FBXL7: variants seen among roughly 807,000 people sequenced by gnomAD.
The protein encoded by FBXL7 is F-box/LRR-repeat protein 7.
FBXL7 carries 12 observed loss-of-function variants against 38.3 expected under a neutral mutation model. That is an observed-to-expected ratio of 0.31 (90% CI 0.20 to 0.51). The LOEUF is 0.51. Among genes scored for constraint, FBXL7 ranks in the 20% least tolerant of loss-of-function variants. FBXL7 has a pLI of 0.98. For missense variants in FBXL7, 567 were observed against 676.4 expected, an observed-to-expected ratio of 0.84 and a Z score of 1.79; for synonymous variants, 297 against 300.9, an observed-to-expected ratio of 0.99 and a Z score of 0.13.
intron 1 of FBXL7, among the ~76,000 whole-genome samples, chr5:15,611,334 T>C (rs1046554284): frequency 1.3e-4 from 20 of 151,958 alleles, no homozygotes; most frequent in African/African-American, 4.6e-4. Context: ...TTTTTGCTTT[T>C]TGTACTTTTT....
chr5:15,788,873 A>G (rs1737201022), intron 2 of FBXL7, among the ~76,000 whole-genome samples: 1 of 143,476 alleles, frequency 7.0e-6, no homozygotes, highest in African/African-American at 2.6e-5. Flanking sequence ...TTTTTTTTTG[A>G]AGGAGTCTTG....
In FBXL7 at chr5:15,938,074, C is replaced by T. The variant is rs994547933; in HGVS notation, c.*888C>T. The T allele has an allele frequency of 4.6e-5, 7 of 152,190 alleles. No homozygotes were observed. The highest frequency in any genetic ancestry group is 1.4e-4 in the African/African-American group (6 of 41,448). 9.4% of individuals were successfully genotyped at this position (152,190 alleles called of 1,614,324 possible). The stretch of plus-strand genomic sequence containing the variant: ...CTGTATGTCCTTTGGCTGCAAATCA[C>T]CCACTTCCCTGTGTTTCAGTGGGAG... On this transcript the variant is annotated 3_prime_UTR_variant, in exon 4 of 4. Coordinates refer to ENST00000504595, the MANE Select transcript of FBXL7 (RefSeq NM_012304.5).
At chr5:15,713,128 G>A (rs1457274486) in intron 2 of FBXL7, among the ~76,000 whole-genome samples, 1 of 152,174 alleles carries the variant, frequency 6.6e-6, no homozygotes, top group Admixed American at 6.5e-5. Flanking sequence ...AAGAAAAAGA[G>A]GTTTAAGGGA....
At chr5:15,759,130 G>A (rs1485451996) in intron 2 of FBXL7, among the ~76,000 whole-genome samples, 1 of 152,152 alleles carries the variant, frequency 6.6e-6, no homozygotes, top group Admixed American at 6.6e-5. Context: ...CTGCAAACAT[G>A]AGGCTATATT....
intron 2 of FBXL7, among the ~76,000 whole-genome samples, chr5:15,835,093 T>C (rs1419126662): frequency 1.3e-5 from 2 of 152,342 alleles, no homozygotes; most frequent in East Asian, 1.9e-4. Flanking sequence ...ATATACACCA[T>C]TAGCTTCTTG....
At chr5:15,507,089 A>T (rs1736668420) in intron 1 of FBXL7, among the ~76,000 whole-genome samples, 1 of 151,626 alleles carries the variant, frequency 6.6e-6, no homozygotes, top group African/African-American at 2.4e-5. Context: ...CGTGCTCTTC[A>T]AACGTAATAT....
chr5:15,887,481 A>G (rs1740724432), intron 2 of FBXL7, among the ~76,000 whole-genome samples: 1 of 152,232 alleles, frequency 6.6e-6, no homozygotes, highest in South Asian at 2.1e-4. Flanking sequence ...GGAATTGCCA[A>G]ATGGGATTTA....
intron 2 of FBXL7, among the ~76,000 whole-genome samples, chr5:15,726,047 T>A (rs1347778763): frequency 6.6e-6 from 1 of 152,196 alleles, no homozygotes; most frequent in Non-Finnish European, 1.5e-5. Context: ...TTTGATGGTC[T>A]GATATTAGAT....
chr5:15,629,054 G>A (rs2126538204), intron 2 of FBXL7, among the ~76,000 whole-genome samples: 1 of 152,046 alleles, frequency 6.6e-6, no homozygotes, highest in Non-Finnish European at 1.5e-5. Flanking sequence ...GAGGTGGGAG[G>A]GTTGCTTGAG....
intron 2 of FBXL7, among the ~76,000 whole-genome samples, chr5:15,634,431 C>G (rs1580423117): frequency 6.7e-6 from 1 of 150,238 alleles, no homozygotes; most frequent in African/African-American, 2.4e-5. Context: ...AAGCAATTCT[C>G]CTGCCTCAGC....
intron 2 of FBXL7, among the ~76,000 whole-genome samples, chr5:15,674,182 C>G (rs923717737): frequency 2.0e-5 from 3 of 152,182 alleles, no homozygotes; most frequent in African/African-American, 7.2e-5. Flanking sequence ...AGTGATAATT[C>G]ATTGCAATGC....
intron 2 of FBXL7, among the ~76,000 whole-genome samples, chr5:15,735,982 G>A (rs549320300): frequency 4.6e-5 from 7 of 152,172 alleles, no homozygotes; most frequent in African/African-American, 7.2e-5. Flanking sequence ...AGAGCAGGAC[G>A]AATAGTGTTT....
At chr5:15,782,846 G>A (rs1366818347) in intron 2 of FBXL7, among the ~76,000 whole-genome samples, 1 of 152,156 alleles carries the variant, frequency 6.6e-6, no homozygotes, top group East Asian at 1.9e-4. Flanking sequence ...AAGGGTGGGA[G>A]ATGTTTGAGG....
At chr5:15,532,331 C>G (rs1347157733) in intron 1 of FBXL7, among the ~76,000 whole-genome samples, 1 of 152,142 alleles carries the variant, frequency 6.6e-6, no homozygotes, top group African/African-American at 2.4e-5. Flanking sequence ...ATTAATACTT[C>G]CCAAATAACC....
intron 2 of FBXL7, among the ~76,000 whole-genome samples, chr5:15,625,809 C>T (rs746200962): frequency 6.6e-6 from 1 of 152,034 alleles, no homozygotes; most frequent in Non-Finnish European, 1.5e-5. Flanking sequence ...TACCTTGAAG[C>T]TGTCTATTAC....
chr5:15,691,395 A>T (rs1022737153), intron 2 of FBXL7, among the ~76,000 whole-genome samples: 1 of 152,226 alleles, frequency 6.6e-6, no homozygotes. Context: ...AGCTCGAATG[A>T]TGCCCATTCC....
At chr5:15,730,691 G>A (rs1001830725) in intron 2 of FBXL7, among the ~76,000 whole-genome samples, 2 of 152,136 alleles carry the variant, frequency 1.3e-5, no homozygotes, top group Non-Finnish European at 2.9e-5. Context: ...ATGAATGTAT[G>A]TTTTGTTCTA....
chr5:15,924,206 G>A (rs1741819116), intron 2 of FBXL7, among the ~76,000 whole-genome samples: 1 of 152,076 alleles, frequency 6.6e-6, no homozygotes, highest in Non-Finnish European at 1.5e-5. Context: ...ATTACCAAAG[G>A]GAAGTACGAT....
intron 1 of FBXL7, among the ~76,000 whole-genome samples, chr5:15,576,258 A>G (rs1401306389): frequency 6.6e-6 from 1 of 151,416 alleles, no homozygotes; most frequent in African/African-American, 2.4e-5. Flanking sequence ...AATTTTTTGT[A>G]GTTTTAGTAG....
Sources: gnomAD v4.1 joint callset for allele counts (sites outside exome capture counted in the v4.1 genomes callset) on GRCh38, gnomAD v4.1.1 for gene constraint, MANE v1.5 for transcripts, NCBI Gene and HGNC (gene_info 2026-07-23, HGNC 2026-07-21) for gene names.